SLC39A9: variants seen among roughly 807,000 people sequenced by gnomAD.
SLC39A9 encodes solute carrier family 39 member 9, also known as zinc transporter ZIP9.
Under a neutral mutation model 28.4 loss-of-function variants are expected in SLC39A9, and 14 were observed. The ratio of observed to expected loss-of-function variants is 0.49; its 90% CI spans 0.33 to 0.77. The LOEUF (loss-of-function observed/expected upper bound fraction) is 0.77. SLC39A9 is among the 30% of genes least tolerant of loss of function. SLC39A9 has a pLI of 0.02. For synonymous variants in SLC39A9, 119 were observed against 149.6 expected, an observed-to-expected ratio of 0.80 and a Z score of 1.49; for missense variants, 283 against 381.1, an observed-to-expected ratio of 0.74 and a Z score of 2.14.
At chr14:69,432,772 C>T (rs769704720) in intron 2 of SLC39A9, among the ~76,000 whole-genome samples, 1 of 152,146 alleles carries the variant, frequency 6.6e-6, no homozygotes, top group Non-Finnish European at 1.5e-5. Flanking sequence ...ATATGGTTAG[C>T]CAACTATCCC....
chr14:69,440,037 C>T (rs930910158), intron 2 of SLC39A9, among the ~76,000 whole-genome samples: 3 of 152,048 alleles, frequency 2.0e-5, no homozygotes, highest in Admixed American at 1.3e-4. Context: ...ACAATCGTGG[C>T]GGAAAGCAAA....
chr14:69,404,948 G>A (rs1566905749), intron 1 of SLC39A9, among the ~76,000 whole-genome samples: 1 of 152,176 alleles, frequency 6.6e-6, no homozygotes, highest in Non-Finnish European at 1.5e-5. Flanking sequence ...ATTCAGCATA[G>A]CTGGGGAGGC....
intron 1 of SLC39A9, among the ~76,000 whole-genome samples, chr14:69,410,110 A>G (rs1883185764): frequency 6.6e-6 from 1 of 152,188 alleles, no homozygotes; most frequent in African/African-American, 2.4e-5. Flanking sequence ...CGGGATTTAT[A>G]TTTATTTCTT....
intron 1 of SLC39A9, among the ~76,000 whole-genome samples, chr14:69,405,868 G>A (rs1348499866): frequency 1.3e-5 from 2 of 152,140 alleles, no homozygotes; most frequent in East Asian, 1.9e-4. Context: ...AGCTCTTTCT[G>A]TATACCAGGC....
chr14:69,440,986 C>T (rs1032258722), intron 2 of SLC39A9, among the ~76,000 whole-genome samples: 1 of 152,108 alleles, frequency 6.6e-6, no homozygotes, highest in African/African-American at 2.4e-5. Flanking sequence ...TTTTAAGAGA[C>T]AGGATCTCTA....
At chr14:69,437,596 T>TG (rs1351668401) in intron 2 of SLC39A9, among the ~76,000 whole-genome samples, 1 of 149,558 alleles carries the variant, frequency 6.7e-6, no homozygotes. Context: ...TTTTGTTTGT[T>TG]TTTTTTTTTT....
intron 1 of SLC39A9, among the ~76,000 whole-genome samples, chr14:69,400,685 T>C (rs1392962947): frequency 6.6e-6 from 1 of 152,132 alleles, no homozygotes; most frequent in Non-Finnish European, 1.5e-5. Context: ...AAATAGCCTG[T>C]GGGTGGGAAA....
chr14:69,409,130 G>A (rs1039520124), intron 1 of SLC39A9, among the ~76,000 whole-genome samples: 1 of 152,008 alleles, frequency 6.6e-6, no homozygotes, highest in Non-Finnish European at 1.5e-5. Context: ...TGGAAAATAC[G>A]GTAACGTATA....
intron 5 of SLC39A9, 69 bp downstream of exon 5, chr14:69,454,966 A>G (rs1347159096): frequency 2.5e-6 from 3 of 1,184,116 alleles, no homozygotes; most frequent in Admixed American, 2.0e-5. Flanking sequence ...ATGGTCCTTA[A>G]TGTTTTTCCT....
chr14:69,424,203 G>A lies in SLC39A9; in HGVS notation c.205+1G>A. 1 of 1,601,338 alleles carries A rather than the reference G, an allele frequency of 6.2e-7. No individual in the cohort carries two copies. The highest frequency in any genetic ancestry group is 8.6e-7 in the Non-Finnish European group (1 of 1,168,536). The stretch of plus-strand genomic sequence containing the variant: ...GCCCTTTATGAAGATATTCTTGAGG[G>A]TGAGAAAGGGAAGAGCATTATTTGA... On this transcript the variant is annotated splice_donor_variant, in intron 2 of 6. Transcript: ENST00000336643. LOFTEE classifies it high-confidence loss of function.
At chr14:69,412,742 A>G (rs1883342270) in intron 1 of SLC39A9, among the ~76,000 whole-genome samples, 1 of 152,226 alleles carries the variant, frequency 6.6e-6, no homozygotes, top group African/African-American at 2.4e-5. Flanking sequence ...CTGCCCTGAC[A>G]GAATTGGTAA....
chr14:69,420,559 G>A (rs545793502), intron 1 of SLC39A9, among the ~76,000 whole-genome samples: 1 of 152,192 alleles, frequency 6.6e-6, no homozygotes, highest in South Asian at 2.1e-4. Flanking sequence ...TGCTATGTTG[G>A]GGAAGTTCTC....
Position 69,458,487 on chromosome 14 carries a change from A to G in SLC39A9, c.818A>G (p.His273Arg), listed in dbSNP as rs1226161628. The G allele has an allele frequency of 6.2e-7, 1 of 1,614,264 alleles. No homozygotes were observed. The highest frequency in any genetic ancestry group is 8.5e-7 in the Non-Finnish European group (1 of 1,180,044). The change falls in exon 7 of 7, where the codon CAC becomes CGC. Residue 273 changes from histidine to arginine, a missense_variant. Physicochemically the swap from His to Arg is conservative, Grantham distance 29. Coordinates refer to ENST00000336643, the MANE Select transcript of SLC39A9 (RefSeq NM_018375.5). ...GAGGTGGGCGGAATAGGGCACAGCC[A>G]CAAGCCCGATGCCACGGGAGGGAGA... Reference protein sequence around the residue: ...LPEVGGIGHSHKPDATGGRGL... With the variant: ...LPEVGGIGHSRKPDATGGRGL...
Position 69,453,522 on chromosome 14 carries a change from TA to T in SLC39A9, c.472+224del, listed in dbSNP as rs760553500. Among the ~76,000 whole-genome samples, 573 of 146,024 alleles carry T rather than the reference TA, an allele frequency of 3.9e-3. 8 individuals carry two copies. The highest frequency in any genetic ancestry group is 0.028 in the Admixed American group (411 of 14,716). ...ATGGTTTCTATACTTTTTAATGGTT[TA>T]AAAAAAAAAAGAGAGAGAGGAACAT... is the stretch of plus-strand genomic sequence containing the variant. On this transcript the variant is annotated intron_variant, in intron 4 of 6. Transcript: ENST00000336643.
intron 1 of SLC39A9, among the ~76,000 whole-genome samples, chr14:69,416,836 A>G (rs1883603831): frequency 6.6e-6 from 1 of 151,954 alleles, no homozygotes; most frequent in Admixed American, 6.6e-5. Context: ...TTTTTCTTGT[A>G]AATTTGTTTA....
intron 2 of SLC39A9, chr14:69,441,718 G>A (rs1009176894): frequency 5.0e-6 from 4 of 803,150 alleles, no homozygotes; most frequent in Non-Finnish European, 6.1e-6. Context: ...GAAAAAAACA[G>A]TGTATTTTCT....
intron 4 of SLC39A9, chr14:69,454,555 A>G: frequency 3.0e-6 from 1 of 330,106 alleles, no homozygotes; most frequent in Non-Finnish European, 5.5e-6. Flanking sequence ...AACAACAGCA[A>G]CCAAAATAAC....
intron 1 of SLC39A9, among the ~76,000 whole-genome samples, chr14:69,415,786 C>G (rs1001269438): frequency 6.6e-6 from 1 of 152,126 alleles, no homozygotes; most frequent in Non-Finnish European, 1.5e-5. Context: ...TTTCAACCAG[C>G]CTTTCAGCTA....
intron 1 of SLC39A9, among the ~76,000 whole-genome samples, chr14:69,416,633 G>A (rs973658383): frequency 2.6e-5 from 4 of 152,194 alleles, no homozygotes; most frequent in African/African-American, 7.2e-5. Flanking sequence ...TCCAGCATCT[G>A]TTGTTTCCTG....
Sources: allele counts gnomAD v4.1 joint callset (sites outside exome capture counted in the v4.1 genomes callset), GRCh38; gene constraint gnomAD v4.1.1; transcripts MANE v1.5; gene names NCBI Gene and HGNC (gene_info 2026-07-23, HGNC 2026-07-21).